Variants in CALN1 observed in about 807,000 individuals in gnomAD.
CALN1 encodes the protein calcium-binding protein 8.
In CALN1, 17 loss-of-function variants were observed where a neutral mutation model predicts 30.6. That is an observed-to-expected ratio of 0.56 (90% confidence interval 0.38 to 0.83). The LOEUF is 0.83. Among genes scored for constraint, CALN1 ranks in the 40% least tolerant of loss-of-function variants. The pLI is 0.00. For synonymous variants in CALN1, 156 were observed against 131.4 expected (o/e 1.19, Z -1.28); for missense variants, 291 against 354.9 (o/e 0.82, Z 1.45).
chr7:72,366,427 C>T (rs575667501), intron 2 of CALN1, among the ~76,000 whole-genome samples: 60 of 152,188 alleles, frequency 3.9e-4, no homozygotes, highest in Non-Finnish European at 7.9e-4. Context: ...CCACCTGCCT[C>T]GGCCTCCCAA....
chr7:72,283,566 T>C (rs901230342), intron 2 of CALN1, among the ~76,000 whole-genome samples: 1 of 152,212 alleles, frequency 6.6e-6, no homozygotes, highest in Non-Finnish European at 1.5e-5. Flanking sequence ...AGCACTGTAC[T>C]TAGCACCAGG....
chr7:72,032,720 C>T (rs1249481175), intron 4 of CALN1, among the ~76,000 whole-genome samples: 1 of 152,130 alleles, frequency 6.6e-6, no homozygotes, highest in Non-Finnish European at 1.5e-5. Flanking sequence ...CTCCTTAAAT[C>T]GCCTCTTTGT....
intron 3 of CALN1, among the ~76,000 whole-genome samples, chr7:72,216,160 A>G (rs1382472012): frequency 6.6e-6 from 1 of 152,016 alleles, no homozygotes; most frequent in African/African-American, 2.4e-5. Flanking sequence ...CACATCTATA[A>G]TCTTAATGCA....
At chr7:72,334,912 C>A (rs1180017635) in intron 2 of CALN1, among the ~76,000 whole-genome samples, 1 of 152,218 alleles carries the variant, frequency 6.6e-6, no homozygotes, top group Admixed American at 6.5e-5. Flanking sequence ...CAGAGCCATT[C>A]CACTGGTCTT....
At chr7:72,118,387 T>C (rs182985729) in intron 3 of CALN1, among the ~76,000 whole-genome samples, 2 of 152,292 alleles carry the variant, frequency 1.3e-5, no homozygotes, top group East Asian at 1.9e-4. Flanking sequence ...GGTGGTGAAA[T>C]TCTACTACTC....
At chr7:72,426,202 C>T (rs1807795288) in intron 1 of CALN1, among the ~76,000 whole-genome samples, 2 of 152,356 alleles carry the variant, frequency 1.3e-5, no homozygotes, top group South Asian at 4.1e-4. Flanking sequence ...GTGAGGGGCC[C>T]AGGCCCAGCC....
At chr7:72,460,886 C>G in the CALN1 span, among the ~76,000 whole-genome samples, 1 of 152,174 alleles carries the variant, frequency 6.6e-6, no homozygotes, top group Non-Finnish European at 1.5e-5. Flanking sequence ...GCAGGACAGA[C>G]AGCTTTTCCT....
At chr7:71,841,284 C>T (rs1789924262) in intron 5 of CALN1, among the ~76,000 whole-genome samples, 1 of 152,222 alleles carries the variant, frequency 6.6e-6, no homozygotes, top group South Asian at 2.1e-4. Context: ...CCCTCCCTCT[C>T]TCTGGGACTG....
chr7:71,830,819 T>C (rs998122613), intron 5 of CALN1, among the ~76,000 whole-genome samples: 1 of 152,226 alleles, frequency 6.6e-6, no homozygotes, highest in African/African-American at 2.4e-5. Context: ...GTGGTTGTTA[T>C]GTGGATAGAA....
chr7:72,092,246 T>C (rs1313086089), intron 4 of CALN1, among the ~76,000 whole-genome samples: 3 of 152,164 alleles, frequency 2.0e-5, no homozygotes, highest in Non-Finnish European at 4.4e-5. Context: ...GTGGGATTCT[T>C]ATTCAAACTT....
intron 6 of CALN1, among the ~76,000 whole-genome samples, chr7:71,809,524 T>C (rs1206971845): frequency 6.7e-6 from 1 of 149,844 alleles, no homozygotes; most frequent in Non-Finnish European, 1.5e-5. Flanking sequence ...AATGTCAGCA[T>C]TGAACAGAAA....
chr7:71,848,703 A>G lies in CALN1; in HGVS notation c.502-38211T>C, dbSNP rs1008646165. On this transcript the variant is annotated intron_variant, in intron 5 of 6. Transcript: ENST00000395275. ...TGGGATAGAATTATTTTAAGTTGAG[A>G]AAAAAGGGAATTCAAGAAAAGAAAA... Among the ~76,000 whole-genome samples the G allele has an allele frequency of 8.5e-5, 13 of 152,154 alleles. No homozygotes were observed. In the East Asian group the frequency reaches 2.5e-3, roughly 29 times the overall value.
At chr7:72,214,767 C>T (rs1357254530) in intron 3 of CALN1, among the ~76,000 whole-genome samples, 1 of 152,006 alleles carries the variant, frequency 6.6e-6, no homozygotes, top group East Asian at 1.9e-4. Context: ...CCCCGCCGCT[C>T]GCATTCCCGC....
chr7:72,354,460 A>G (rs1803108825), intron 2 of CALN1, among the ~76,000 whole-genome samples: 1 of 152,204 alleles, frequency 6.6e-6, no homozygotes, highest in East Asian at 1.9e-4. Flanking sequence ...TTAAAAATTT[A>G]TATATGTATG....
Position 71,964,191 on chromosome 7 carries a change from G to A in CALN1, c.501+59466C>T, listed in dbSNP as rs1797412597. 2.6e-5 allele frequency among the ~76,000 whole-genome samples: 4 copies of A among 152,160 alleles called. No individual in the cohort carries two copies. The South Asian group carries it at 6.2e-4, about 24-fold the overall frequency. ...AGTGTTCCTTTATCCCCCGTCACAG[G>A]ATGTGCGACAGGGTTGTGACTCTTC... On this transcript the variant is annotated intron_variant, in intron 5 of 6. Coordinates refer to ENST00000395275, the MANE Select transcript of CALN1 (RefSeq NM_031468.4).
chr7:72,443,434 C>T (rs1017146252), intron 1 of CALN1, among the ~76,000 whole-genome samples: 2 of 152,184 alleles, frequency 1.3e-5, no homozygotes, highest in African/African-American at 4.8e-5. Flanking sequence ...CCCCGGGTCC[C>T]TTAGGATCTA....
chr7:71,875,712 G>A (rs1403490826), intron 5 of CALN1, among the ~76,000 whole-genome samples: 3 of 152,180 alleles, frequency 2.0e-5, no homozygotes, highest in African/African-American at 7.2e-5. Flanking sequence ...TCTTTCTAAA[G>A]TGAAAAAGAG....
upstream of CALN1, chr7:72,447,223 G>A (rs951057540): frequency 1.3e-5 from 2 of 152,590 alleles, no homozygotes; most frequent in African/African-American, 2.4e-5. Flanking sequence ...AAGGGCTAGA[G>A]TCCCAATTTG....
intron 3 of CALN1, among the ~76,000 whole-genome samples, chr7:72,276,026 T>C (rs1187466860): frequency 1.3e-5 from 2 of 152,192 alleles, no homozygotes; most frequent in African/African-American, 2.4e-5. Context: ...TGATCATTCA[T>C]GGCAAAGTTG....
Sources: allele counts gnomAD v4.1 joint callset (sites outside exome capture counted in the v4.1 genomes callset), GRCh38; gene constraint gnomAD v4.1.1; transcripts MANE v1.5; gene names NCBI Gene and HGNC (gene_info 2026-07-23, HGNC 2026-07-21).